The following TRIM49B variants were observed in gnomAD, a reference collection of about 807,000 sequenced individuals.
TRIM49B encodes putative tripartite motif-containing protein 49B.
Under a neutral mutation model 31.8 loss-of-function variants are expected in TRIM49B, and 18 were observed. The observed-to-expected ratio is 0.57, with a 90% confidence interval of 0.39 to 0.84. TRIM49B has a LOEUF of 0.84. Ranked by LOEUF, TRIM49B falls within the 40% of genes least tolerant of loss-of-function variation. The probability of loss-of-function intolerance (pLI) is 0.00; values close to 1 mark genes in which losing one functional copy is unlikely to be tolerated. For synonymous variants in TRIM49B, 196 were observed against 180.6 expected (o/e 1.09, Z -0.68); for missense variants, 494 against 538.7 (o/e 0.92, Z 0.82).
intron 2 of TRIM49B, 81 bp from the exon 3 acceptor site, chr11:49,032,195 G>C: frequency 6.2e-7 from 1 of 1,611,234 alleles, no homozygotes; most frequent in South Asian, 1.1e-5. Flanking sequence ...CCATTTACTA[G>C]GGGTTTATTT....
Position 49,032,484 on chromosome 11 carries a change from A to G in TRIM49B, c.507+113A>G. 3.2e-6 allele frequency: 5 copies of G among 1,549,888 alleles called. No individual in the cohort carries two copies. In the South Asian group the frequency reaches 6.1e-5, roughly 19 times the overall value. ...ATGTTTCTGGGATTCAGTAAAAAAA[A>G]AAGAAAAAAAAAGCGAGAGAAAACA... On this transcript the variant is annotated intron_variant, in intron 3 of 6. Coordinates refer to ENST00000332682, the MANE Select transcript of TRIM49B (RefSeq NM_001206626.2).
intron 5 of TRIM49B, among the ~76,000 whole-genome samples, chr11:49,035,553 G>T (rs924518919): frequency 3.3e-5 from 5 of 151,554 alleles, no homozygotes; most frequent in African/African-American, 1.2e-4. Flanking sequence ...TAGAGACGGG[G>T]TTCACCATGT....
At chr11:49,035,255 C>T (rs1341289920) in intron 5 of TRIM49B, 138 bp downstream of exon 5, 14 of 1,298,952 alleles carry the variant, frequency 1.1e-5, no homozygotes, top group Middle Eastern at 4.0e-4. Context: ...CATCTACTTT[C>T]GTTCCCACAC....
chr11:49,036,813 T>C (rs1438477362), intron 6 of TRIM49B, among the ~76,000 whole-genome samples: 1 of 152,176 alleles, frequency 6.6e-6, no homozygotes. Flanking sequence ...GGGTTTTGTA[T>C]TTTTTTAATG....
At chr11:49,032,107 C>G in intron 2 of TRIM49B, 97 bp downstream of exon 2, 2 of 1,601,750 alleles carry the variant, frequency 1.2e-6, no homozygotes, top group Admixed American at 3.4e-5. Context: ...CTCTGAGTCC[C>G]TTTAAGCAGC....
At chr11:49,034,796 T>C (rs554769704) in intron 4 of TRIM49B, among the ~76,000 whole-genome samples, 45 of 152,260 alleles carry the variant, frequency 3.0e-4, no homozygotes, top group African/African-American at 1.0e-3. Context: ...CAGGTTCAGT[T>C]AAAGATGACT....
At chr11:49,030,170 C>G (rs1296769714) in intron 1 of TRIM49B, among the ~76,000 whole-genome samples, 1 of 151,994 alleles carries the variant, frequency 6.6e-6, no homozygotes, top group East Asian at 1.9e-4. Context: ...CCCATCTCTA[C>G]TAAAAAAAAT....
At chr11:49,030,533 C>G (rs1854431208) in intron 1 of TRIM49B, among the ~76,000 whole-genome samples, 1 of 152,036 alleles carries the variant, frequency 6.6e-6, no homozygotes, top group Admixed American at 6.6e-5. Context: ...CCTGGCTAAG[C>G]TCAAGTCTGA....
rs562032190 is a variant in TRIM49B, at chr11:49,032,487, GA to G, written c.507+125del. 2.1e-4 allele frequency: 276 copies of G among 1,324,584 alleles called. No homozygotes were observed. In the African/African-American group the frequency reaches 3.0e-3, roughly 14 times the overall value. 82.1% of individuals were successfully genotyped at this position (1,324,584 alleles called of 1,614,324 possible). ...TTTCTGGGATTCAGTAAAAAAAAAA[GA>G]AAAAAAAAGCGAGAGAAAACATTGA... On this transcript the variant is annotated intron_variant, in intron 3 of 6. Transcript: ENST00000332682.
In TRIM49B at chr11:49,034,386, C is replaced by T. The variant is rs760449618; in HGVS notation, c.738+10C>T. ...TGTGGAGCTACTTCAGGTACAAACT[C>T]GCCATGTGGTTTCAGGTTTTTGAAT... is the stretch of plus-strand genomic sequence containing the variant. On this transcript the variant is annotated intron_variant, in intron 4 of 6. Coordinates refer to ENST00000332682, the MANE Select transcript of TRIM49B (RefSeq NM_001206626.2). 1.2e-5 allele frequency: 19 copies of T among 1,611,812 alleles called. No homozygotes were observed. In the Admixed American group the frequency reaches 2.2e-4, roughly 18 times the overall value.
chr11:49,033,857 T>C (rs1485750686), intron 3 of TRIM49B, among the ~76,000 whole-genome samples: 1 of 152,348 alleles, frequency 6.6e-6, no homozygotes, highest in South Asian at 2.1e-4. Flanking sequence ...CATGAACTCT[T>C]CTTACTTTTC....
intron 2 of TRIM49B, 133 bp downstream of exon 2, chr11:49,032,143 A>T (rs1269040034): frequency 8.8e-6 from 14 of 1,585,606 alleles, no homozygotes; most frequent in Non-Finnish European, 1.0e-5. Flanking sequence ...TTAGCTTCCA[A>T]CCTCTGGGCT....
intron 3 of TRIM49B, among the ~76,000 whole-genome samples, chr11:49,032,943 T>TA (rs1256997905): frequency 6.6e-6 from 1 of 152,160 alleles, no homozygotes; most frequent in Non-Finnish European, 1.5e-5. Context: ...GGGAGACATG[T>TA]AAACATGCCA....
chr11:49,031,812 G>A lies in TRIM49B; in HGVS notation c.213G>A (p.Lys71=), dbSNP rs780170713. ...ACCTCAAAACCAACATTCATTTCAA[G>A]AAGATGGCTTCTCTTGCTAGAAAAG... The part of the protein sequence containing the change: ...QINLKTNIHF[K]KMASLARKVS... The change falls in exon 2 of 7, where the codon AAG becomes AAA. Residue 71 remains lysine (K), a synonymous_variant. Transcript: ENST00000332682. 6.2e-7 allele frequency: 1 copy of A among 1,613,874 alleles called. No individual in the cohort carries two copies. Among genetic ancestry groups the A allele is most frequent in the Non-Finnish European group, 8.5e-7 (1 of 1,179,880 alleles).
intron 1 of TRIM49B, among the ~76,000 whole-genome samples, chr11:49,029,429 C>G (rs1389567067): frequency 6.6e-6 from 1 of 152,044 alleles, no homozygotes; most frequent in Non-Finnish European, 1.5e-5. Context: ...AGAAAGCTCC[C>G]CAAAATATCC....
In TRIM49B at chr11:49,034,208, C is replaced by G. The variant is rs1462854849; in HGVS notation, c.570C>G (p.His190Gln). 5 of 1,611,642 alleles carry G rather than the reference C, an allele frequency of 3.1e-6. No individual in the cohort carries two copies. The highest frequency in any genetic ancestry group is 3.4e-6 in the Non-Finnish European group (4 of 1,179,812). Residue 190 changes from histidine (H) to glutamine (Q), a missense_variant, in exon 4 of 7, where the codon CAC becomes CAG. By Grantham distance (24) the His-to-Gln change is conservative. Around this residue, in one of 3 missense-constraint regions of TRIM49B, gnomAD observed 251 missense variants for 232.8 expected, o/e 1.08. Coordinates refer to ENST00000332682, the MANE Select transcript of TRIM49B (RefSeq NM_001206626.2). ...AGTATCAGAAGATGCCTGCATTTCACCATGAAGAAGAAAAACATAATTTGG... is the reference window on the plus strand; with the variant it reads ...AGTATCAGAAGATGCCTGCATTTCAGCATGAAGAAGAAAAACATAATTTGG... ...RAEYQKMPAF[H>Q]HEEEKHNLEM...
intron 4 of TRIM49B, 104 bp from the exon 5 acceptor site, chr11:49,034,991 G>T: frequency 6.4e-7 from 1 of 1,557,420 alleles, no homozygotes. Flanking sequence ...GAAGATGGTA[G>T]GGGAATAATA....
In TRIM49B at chr11:49,031,856, T is replaced by C; in HGVS notation, c.257T>C (p.Leu86Pro). The change falls in exon 2 of 7, where the codon CTG becomes CCG. Residue 86 changes from leucine (L) to proline (P), a missense_variant. Around this residue, in one of 3 missense-constraint regions of TRIM49B, gnomAD observed 251 missense variants for 232.8 expected, o/e 1.08. Coordinates refer to ENST00000332682, the MANE Select transcript of TRIM49B (RefSeq NM_001206626.2). ...AGAAAAGTCAGTCTCTGGCTATTCC[T>C]GAGCTCTGAGGAGCAAATGTGTGGC... ...LARKVSLWLF[L>P]SSEEQMCGTH... is the part of the protein sequence containing the mutation. 1 of 1,613,884 alleles carries C rather than the reference T, an allele frequency of 6.2e-7. No homozygotes were observed. Among genetic ancestry groups the C allele is most frequent in the South Asian group, 1.1e-5 (1 of 91,074 alleles).
At chr11:49,032,749 A>G (rs2696921) in intron 3 of TRIM49B, among the ~76,000 whole-genome samples, 123,426 of 151,800 alleles carry the variant, frequency 0.81, 50,548 homozygotes, top group African/African-American at 0.86. Flanking sequence ...TCTGAGTGTC[A>G]GTCAGCATTA....
Sources: allele counts gnomAD v4.1 joint callset (sites outside exome capture counted in the v4.1 genomes callset), GRCh38; gene constraint gnomAD v4.1.1; regional missense constraint gnomAD v4.1.1; transcripts MANE v1.5; gene names NCBI Gene and HGNC (gene_info 2026-07-23, HGNC 2026-07-21).